Variants in TTC6 observed in about 807,000 individuals in gnomAD.
TTC6 encodes the protein tetratricopeptide repeat protein 6.
In TTC6, 172 loss-of-function variants were observed where a neutral mutation model predicts 210.4. The observed-to-expected ratio is 0.82, with a 90% CI of 0.72 to 0.93. TTC6 has a LOEUF of 0.93. TTC6 is among the 40% of genes least tolerant of loss of function. TTC6 has a pLI of 0.00. For missense variants in TTC6, 2,414 were observed against 2,318.1 expected, an observed-to-expected ratio of 1.04 and a Z score of -0.85; for synonymous variants, 804 against 819.6, an observed-to-expected ratio of 0.98 and a Z score of 0.32.
intron 10 of TTC6, among the ~76,000 whole-genome samples, chr14:37,744,032 C>T (rs2095928696): frequency 3.3e-5 from 5 of 152,138 alleles, no homozygotes; most frequent in Admixed American, 3.3e-4. Flanking sequence ...GTATTCAAGT[C>T]AGATAGCTCC....
chr14:37,842,503 T>TAA (rs1170912061), downstream of TTC6: 10 of 370,936 alleles, frequency 2.7e-5, no homozygotes, highest in Non-Finnish European at 4.5e-5. Context: ...CCTTGAGAAC[T>TAA]GAATTTTTCC....
rs199827525 is a variant in TTC6, at chr14:37,812,395, A to T, written c.4651A>T (p.Ile1551Phe). The T allele has an allele frequency of 1.3e-4, 205 of 1,613,028 alleles. No homozygotes were observed. The South Asian group carries it at 2.2e-3, about 17-fold the overall frequency. ...AAATACCTTCCTTAATCGTGGACTC[A>T]TCTACGTAGAACTAGGCCAGTATGG... The change falls in exon 25 of 31, where the codon ATC becomes TTC. Residue 1551 changes from isoleucine (I) to phenylalanine (F), a missense_variant. By Grantham distance (21) the Ile-to-Phe change is conservative. Coordinates refer to ENST00000553443, the Ensembl canonical transcript of TTC6.
chr14:37,832,457 T>C (rs2096188258), intron 29 of TTC6, among the ~76,000 whole-genome samples: 1 of 151,352 alleles, frequency 6.6e-6, no homozygotes, highest in African/African-American at 2.4e-5. Flanking sequence ...GGCATTCAAC[T>C]CTATAAATGT....
In TTC6 at chr14:37,706,546, A is replaced by G. The variant is rs111360677; in HGVS notation, c.1571+5020A>G. On this transcript the variant is annotated intron_variant, in intron 5 of 30. Transcript: ENST00000553443. ...TTATAATAACTAAAAACTGGAAACA[A>G]CCTAAGTGTCTATCATGGAAGAATT... Among the ~76,000 whole-genome samples, 1,447 of 152,248 alleles carry G rather than the reference A, an allele frequency of 9.5e-3. 12 individuals carry two copies. The highest frequency in any genetic ancestry group is 0.044 in the Middle Eastern group (13 of 294).
At chr14:37,647,113 T>A (rs2095703005) in intron 1 of TTC6, among the ~76,000 whole-genome samples, 1 of 152,224 alleles carries the variant, frequency 6.6e-6, no homozygotes, top group Non-Finnish European at 1.5e-5. Flanking sequence ...AATTTCTAAA[T>A]GTTCTCTAGG....
chr14:37,658,768 C>T (rs1355559597), intron 1 of TTC6, among the ~76,000 whole-genome samples: 1 of 152,080 alleles, frequency 6.6e-6, no homozygotes, highest in Non-Finnish European at 1.5e-5. Flanking sequence ...CTGAAAAAGC[C>T]TTTAAAAATT....
intron 14 of TTC6, among the ~76,000 whole-genome samples, chr14:37,755,953 A>G (rs2095966343): frequency 6.6e-6 from 1 of 152,118 alleles, no homozygotes; most frequent in African/African-American, 2.4e-5. Context: ...CAGTATGGCC[A>G]TTTTCATGAT....
intron 14 of TTC6, among the ~76,000 whole-genome samples, chr14:37,770,704 C>G (rs1391269303): frequency 1.4e-5 from 2 of 147,788 alleles, no homozygotes; most frequent in Non-Finnish European, 3.0e-5. Flanking sequence ...TGTCTCTGCA[C>G]GTGAGATGGG....
At chr14:37,790,164 C>T (rs1445234995) in intron 15 of TTC6, among the ~76,000 whole-genome samples, 1 of 152,058 alleles carries the variant, frequency 6.6e-6, no homozygotes, top group Admixed American at 6.6e-5. Context: ...CATAGTCAAG[C>T]CGTCCGCCTT....
At chr14:37,690,215 A>G (rs909607497) in intron 3 of TTC6, among the ~76,000 whole-genome samples, 7 of 152,150 alleles carry the variant, frequency 4.6e-5, no homozygotes, top group African/African-American at 1.4e-4. Context: ...CAAAACAAAA[A>G]TCATTCAACA....
chr14:37,738,125 G>A (rs2095906977), intron 9 of TTC6, among the ~76,000 whole-genome samples: 1 of 150,938 alleles, frequency 6.6e-6, no homozygotes, highest in African/African-American at 2.4e-5. Flanking sequence ...TCTTGTGTAA[G>A]TAATGAGTAT....
chr14:37,787,221 T>G (rs780811203), intron 14 of TTC6, among the ~76,000 whole-genome samples: 1 of 152,198 alleles, frequency 6.6e-6, no homozygotes, highest in Non-Finnish European at 1.5e-5. Context: ...GAAATAAAAT[T>G]AGTAAGCATA....
chr14:37,732,235 T>C (rs1303085973), intron 7 of TTC6, among the ~76,000 whole-genome samples: 1 of 128,370 alleles, frequency 7.8e-6, no homozygotes, highest in Non-Finnish European at 1.6e-5. Context: ...CAGGCTGGAG[T>C]GCAGTGGCGC....
chr14:37,836,229 A>G lies in TTC6; in HGVS notation c.5299-5216A>G, dbSNP rs114561860. On this transcript the variant is annotated intron_variant, in intron 29 of 30. Coordinates refer to ENST00000553443, the Ensembl canonical transcript of TTC6. ...TTTCTCTTTCTTACATCCTTAAGCTAATGTCATCTAATCCTGTCAGTTTTA... is the reference window on the plus strand; with the variant it reads ...TTTCTCTTTCTTACATCCTTAAGCTGATGTCATCTAATCCTGTCAGTTTTA... Among the ~76,000 whole-genome samples, 705 of 152,276 alleles carry G rather than the reference A, an allele frequency of 4.6e-3. 4 individuals are homozygous for G. The highest frequency in any genetic ancestry group is 0.016 in the African/African-American group (661 of 41,568).
chr14:37,753,361 C>A, intron 14 of TTC6, 126 bp downstream of exon 16: 1 of 789,800 alleles, frequency 1.3e-6, no homozygotes, highest in African/African-American at 1.7e-5. Flanking sequence ...TTCAGTGCCA[C>A]CAGTAAATGA....
intron 7 of TTC6, among the ~76,000 whole-genome samples, chr14:37,726,263 G>T (rs1435132773): frequency 6.6e-6 from 1 of 152,100 alleles, no homozygotes; most frequent in Non-Finnish European, 1.5e-5. Flanking sequence ...CATAACATGA[G>T]TAATAGCATA....
At chr14:37,774,046 T>G (rs1007608930) in intron 14 of TTC6, among the ~76,000 whole-genome samples, 4 of 152,168 alleles carry the variant, frequency 2.6e-5, no homozygotes, top group Non-Finnish European at 5.9e-5. Flanking sequence ...GCATTCTTGA[T>G]TTGGCTTTCA....
chr14:37,750,099 C>T (rs934556091), intron 12 of TTC6, among the ~76,000 whole-genome samples: 4 of 152,016 alleles, frequency 2.6e-5, no homozygotes, highest in Non-Finnish European at 5.9e-5. Flanking sequence ...CATCTCACAA[C>T]GAAAGAATAT....
At chr14:37,596,679 G>A (rs2095605295) in intron 1 of TTC6, among the ~76,000 whole-genome samples, 2 of 152,228 alleles carry the variant, frequency 1.3e-5, no homozygotes, top group Admixed American at 6.5e-5. Context: ...GTGACCATGT[G>A]TTTGTTGTAC....
Sources: gnomAD v4.1 joint callset for allele counts (sites outside exome capture counted in the v4.1 genomes callset) on GRCh38, gnomAD v4.1.1 for gene constraint, MANE v1.5 for transcripts, NCBI Gene and HGNC (gene_info 2026-07-23, HGNC 2026-07-21) for gene names.